STPG4: variants seen among roughly 807,000 people sequenced by gnomAD.
STPG4 encodes the protein sperm-tail PG-rich repeat containing 4, also known as protein STPG4.
STPG4 carries 41 observed loss-of-function variants against 31.5 expected under a neutral mutation model. That is an observed-to-expected ratio of 1.30 (90% CI 1.01 to 1.69). STPG4 has a LOEUF of 1.69. STPG4 is among the 40% of genes most tolerant of loss of function. The pLI is 0.00. For missense variants in STPG4, 375 were observed against 293.4 expected (o/e 1.28, Z -2.03); for synonymous variants, 141 against 103.0 (o/e 1.37, Z -2.24).
chr2:47,134,938 C>G (rs1005586546), intron 3 of STPG4, among the ~76,000 whole-genome samples: 3 of 152,182 alleles, frequency 2.0e-5, no homozygotes, highest in African/African-American at 7.2e-5. Flanking sequence ...TTGCATTTCC[C>G]TGATGACATA....
At chr2:47,130,092 T>C (rs1202668232) in intron 4 of STPG4, 97 bp from the exon 5 acceptor site, 6 of 1,480,276 alleles carry the variant, frequency 4.1e-6, no homozygotes, top group Non-Finnish European at 5.6e-6. Context: ...TATTTTAAAA[T>C]GTTAATTTGC....
At chr2:47,100,166 G>C (rs1245867482) in intron 5 of STPG4, among the ~76,000 whole-genome samples, 1 of 152,124 alleles carries the variant, frequency 6.6e-6, no homozygotes, top group Non-Finnish European at 1.5e-5. Flanking sequence ...CCCTGGTGTG[G>C]GATCCACTGG....
At chr2:47,098,959 G>C (rs1685732553) in intron 5 of STPG4, among the ~76,000 whole-genome samples, 1 of 152,202 alleles carries the variant, frequency 6.6e-6, no homozygotes, top group Non-Finnish European at 1.5e-5. Flanking sequence ...GGATGGGGTA[G>C]AAGCAAACCT....
intron 2 of STPG4, among the ~76,000 whole-genome samples, chr2:47,151,951 G>C (rs1404039732): frequency 6.6e-6 from 1 of 150,584 alleles, no homozygotes. Context: ...TTTTAGTAGA[G>C]ACAGGGTTTC....
intron 5 of STPG4, among the ~76,000 whole-genome samples, chr2:47,095,803 C>T (rs971544503): frequency 1.3e-5 from 2 of 152,150 alleles, no homozygotes; most frequent in African/African-American, 4.8e-5. Flanking sequence ...GGTGTGGCTG[C>T]AGGACTAATC....
chr2:47,101,209 G>C (rs2103739866), intron 5 of STPG4, among the ~76,000 whole-genome samples: 1 of 151,924 alleles, frequency 6.6e-6, no homozygotes, highest in Admixed American at 6.5e-5. Context: ...CTAAAAACAT[G>C]GGTGTCAGGC....
chr2:47,152,999 A>G lies in STPG4; in HGVS notation c.99T>C (p.Thr33=). 1 of 1,611,840 alleles carries G rather than the reference A, an allele frequency of 6.2e-7. No individual in the cohort carries two copies. Among genetic ancestry groups the G allele is most frequent in the East Asian group, 2.2e-5 (1 of 44,760 alleles). ...ACCATCCTTCTCTTTCAAAAGAGGAAGTCTTTTGGGCTGGTTTCTGTTAAC... is the reference window on the plus strand; with the variant it reads ...ACCATCCTTCTCTTTCAAAAGAGGAGGTCTTTTGGGCTGGTTTCTGTTAAC... The part of the protein sequence containing the change: ...FITASKPAQK[T]SSFEREGWWR... The change falls in exon 2 of 7, where the codon ACT becomes ACC. Residue 33 remains threonine (T), a synonymous_variant. Transcript: ENST00000445927.
At chr2:47,154,518 CTAAGGGGAAAGA>C (rs2103812492) in intron 1 of STPG4, among the ~76,000 whole-genome samples, 2 of 152,334 alleles carry the variant, frequency 1.3e-5, no homozygotes, top group African/African-American at 4.8e-5. Context: ...TAAATTCACT[CTAAGGGGAAAGA>C]TAAAAGATTA....
intron 3 of STPG4, among the ~76,000 whole-genome samples, chr2:47,137,511 T>G (rs962354736): frequency 2.0e-5 from 3 of 152,202 alleles, no homozygotes; most frequent in Non-Finnish European, 4.4e-5. Context: ...TTAGGAGGTG[T>G]GTCCCCTGCC....
At chr2:47,140,699 C>T (rs1686683736) in intron 3 of STPG4, among the ~76,000 whole-genome samples, 1 of 152,162 alleles carries the variant, frequency 6.6e-6, no homozygotes, top group South Asian at 2.1e-4. Context: ...GATGGAACTT[C>T]AACTTCCAAG....
At chr2:47,090,494 T>A (rs1685549554) in intron 5 of STPG4, 120 bp from the exon 6 acceptor site, 1 of 685,712 alleles carries the variant, frequency 1.5e-6, no homozygotes, top group Admixed American at 2.5e-5. Context: ...AATCCCATAT[T>A]TGGTCTCGAG....
intron 5 of STPG4, among the ~76,000 whole-genome samples, chr2:47,124,501 T>C (rs1007742889): frequency 6.6e-6 from 1 of 152,190 alleles, no homozygotes; most frequent in African/African-American, 2.4e-5. Context: ...TTTTAGCTCC[T>C]ACAAATACAT....
intron 3 of STPG4, among the ~76,000 whole-genome samples, chr2:47,149,110 A>G (rs1686884910): frequency 1.3e-5 from 2 of 152,218 alleles, no homozygotes; most frequent in Admixed American, 6.5e-5. Flanking sequence ...GTGAATATAT[A>G]TATCTTTGAA....
intron 5 of STPG4, among the ~76,000 whole-genome samples, chr2:47,123,823 A>G (rs1051925985): frequency 6.6e-6 from 1 of 152,172 alleles, no homozygotes; most frequent in South Asian, 2.1e-4. Context: ...ATGGCCACAT[A>G]GTAGGTATAT....
chr2:47,120,288 G>GAC (rs1454172123), intron 5 of STPG4, among the ~76,000 whole-genome samples: 5 of 152,144 alleles, frequency 3.3e-5, no homozygotes, highest in Non-Finnish European at 7.3e-5. Flanking sequence ...CCGAGATTGT[G>GAC]CCGCTGCACT....
At chr2:47,096,798 G>C (rs981614586) in intron 5 of STPG4, among the ~76,000 whole-genome samples, 2 of 152,218 alleles carry the variant, frequency 1.3e-5, no homozygotes, top group South Asian at 4.1e-4. Flanking sequence ...CTACAATCTA[G>C]TTGTGAAGAC....
At chr2:47,147,590 A>G (rs1686848330) in intron 3 of STPG4, among the ~76,000 whole-genome samples, 1 of 152,168 alleles carries the variant, frequency 6.6e-6, no homozygotes, top group Non-Finnish European at 1.5e-5. Flanking sequence ...GGTAGCAGAA[A>G]GTTCAAGAAA....
chr2:47,103,904 C>T lies in STPG4; in HGVS notation c.520-13530G>A, dbSNP rs1431917493. Among the ~76,000 whole-genome samples, 6 of 151,940 alleles carry T rather than the reference C, an allele frequency of 3.9e-5. 1 individual carries two copies. Among genetic ancestry groups the T allele is most frequent in the East Asian group, 1.9e-4 (1 of 5,194 alleles). ...GCCTTCTCAGTGTTAATCTCCTGTC[C>T]TGGACGACTATCCTCAAGATCCATT... On this transcript the variant is annotated intron_variant, in intron 5 of 6. Transcript: ENST00000445927.
intron 5 of STPG4, among the ~76,000 whole-genome samples, chr2:47,106,370 G>A (rs1004229395): frequency 2.7e-4 from 41 of 151,848 alleles, no homozygotes; most frequent in East Asian, 1.2e-3. Flanking sequence ...GTCCGTCAGC[G>A]CAGAGCCATA....
Sources: allele counts gnomAD v4.1 joint callset (sites outside exome capture counted in the v4.1 genomes callset), GRCh38; gene constraint gnomAD v4.1.1; transcripts MANE v1.5; gene names NCBI Gene and HGNC (gene_info 2026-07-23, HGNC 2026-07-21).